THAP1: variants seen among roughly 807,000 people sequenced by gnomAD.
The protein encoded by THAP1 is THAP domain containing 1, also known as THAP domain-containing protein 1.
In THAP1, 6 loss-of-function variants were observed where a neutral mutation model predicts 18.2. The observed-to-expected ratio is 0.33, with a 90% CI of 0.18 to 0.65. The LOEUF (loss-of-function observed/expected upper bound fraction) is 0.65. Among genes scored for constraint, THAP1 ranks in the 30% least tolerant of loss-of-function variants. The pLI, the probability that THAP1 is intolerant of heterozygous loss-of-function variation, is 0.74. For missense variants in THAP1, 176 were observed against 253.0 expected (o/e 0.70, Z 2.06); for synonymous variants, 85 against 90.5 (o/e 0.94, Z 0.34).
chr8:42,842,469 C>G (rs931103874), intron 1 of THAP1: 5 of 152,022 alleles, frequency 3.3e-5, no homozygotes, highest in Non-Finnish European at 5.9e-5. Context: ...GAAAAGATAA[C>G]GATTTATCTC....
intron 1 of THAP1, 50 bp from the exon 2 acceptor site, chr8:42,839,431 A>G (rs1397027741): frequency 6.3e-7 from 1 of 1,594,924 alleles, no homozygotes. Flanking sequence ...TTAAATAAAT[A>G]AAGGCACCCA....
intron 1 of THAP1, among the ~76,000 whole-genome samples, chr8:42,840,965 C>CAAAAAA (rs1029278824): frequency 2.6e-4 from 12 of 47,006 alleles, no homozygotes; most frequent in East Asian, 6.9e-4. Context: ...GACTCCATCT[C>CAAAAAA]AAAAAAAAAA....
chr8:42,838,817 G>C (rs976770193), intron 2 of THAP1, among the ~76,000 whole-genome samples: 4 of 152,182 alleles, frequency 2.6e-5, no homozygotes, highest in African/African-American at 9.7e-5. Flanking sequence ...TTTTCTACCT[G>C]AAGTAGAGGG....
At chr8:42,842,912 A>T in intron 1 of THAP1, 112 bp downstream of exon 1, 2 of 697,764 alleles carry the variant, frequency 2.9e-6, no homozygotes, top group South Asian at 6.3e-5. Flanking sequence ...GGCCGGCCCC[A>T]GACCCCACCC....
chr8:42,843,265 A>G lies in THAP1; in HGVS notation c.-171T>C, dbSNP rs1802763506. 4.0e-6 allele frequency: 3 copies of G among 758,426 alleles called. No individual in the cohort carries two copies. Among genetic ancestry groups the G allele is most frequent in the South Asian group, 2.9e-5 (2 of 68,572 alleles). The allele number at this position is 758,426 out of a possible 1,614,324, so 47.0% of individuals were successfully genotyped here. A position where few individuals can be genotyped will look rare whatever the true frequency, so the allele number is the denominator to read the frequency against. ...CTAGTGTGCCCGTTTTGTTGTTTGCATTAGCAGAAGGACCACAGCCATCGC... is the reference window on the plus strand; with the variant it reads ...CTAGTGTGCCCGTTTTGTTGTTTGCGTTAGCAGAAGGACCACAGCCATCGC... On this transcript the variant is annotated 5_prime_UTR_variant, in exon 1 of 3. An upstream start codon of the reference 5' UTR is lost. Transcript: ENST00000254250.
Position 42,843,285 on chromosome 8 carries a change from C to T in THAP1, c.-191G>A. On this transcript the variant is annotated 5_prime_UTR_variant, in exon 1 of 3. The change abolishes an upstream ATG in the 5' untranslated region. Coordinates refer to ENST00000254250, the MANE Select transcript of THAP1 (RefSeq NM_018105.3). ...TTTGCATTAGCAGAAGGACCACAGC[C>T]ATCGCCCGTCTCCCATCTCCAAGAT... The T allele has an allele frequency of 4.5e-6, 3 of 666,074 alleles. No individual in the cohort carries two copies. The highest frequency in any genetic ancestry group is 8.1e-6 in the Non-Finnish European group (3 of 372,470). 41.3% of individuals were successfully genotyped at this position (666,074 alleles called of 1,614,324 possible).
intron 1 of THAP1, 52 bp downstream of exon 1, chr8:42,842,972 C>G: frequency 7.0e-7 from 1 of 1,435,174 alleles, no homozygotes; most frequent in Non-Finnish European, 9.2e-7. Flanking sequence ...CCGCCGGCCG[C>G]GCGCCCCCAC....
intron 1 of THAP1, among the ~76,000 whole-genome samples, chr8:42,840,965 CA>C (rs1029278824): frequency 0.016 from 765 of 47,080 alleles, 2 homozygotes; most frequent in African/African-American, 0.04. Context: ...GACTCCATCT[CA>C]AAAAAAAAAA....
intron 1 of THAP1, among the ~76,000 whole-genome samples, chr8:42,840,490 G>A (rs1463034517): frequency 1.3e-5 from 2 of 152,144 alleles, no homozygotes; most frequent in East Asian, 1.9e-4. Flanking sequence ...GTAAACTGGG[G>A]GGATTAGAAA....
Position 42,843,275 on chromosome 8 carries a change from G to A in THAP1, c.-181C>T. The A allele has an allele frequency of 1.4e-6, 1 of 705,144 alleles. No individual in the cohort carries two copies. The highest frequency in any genetic ancestry group is 1.8e-5 in the African/African-American group (1 of 56,890). 43.7% of individuals were successfully genotyped at this position (705,144 alleles called of 1,614,324 possible). On this transcript the variant is annotated 5_prime_UTR_variant, in exon 1 of 3. Transcript: ENST00000254250. ...CGTTTTGTTGTTTGCATTAGCAGAA[G>A]GACCACAGCCATCGCCCGTCTCCCA...
Position 42,843,245 on chromosome 8 carries a change from G to T in THAP1, c.-151C>A. 1.1e-6 allele frequency: 1 copy of T among 887,596 alleles called. No individual in the cohort carries two copies. The highest frequency in any genetic ancestry group is 1.8e-6 in the Non-Finnish European group (1 of 546,374). 55.0% of individuals were successfully genotyped at this position (887,596 alleles called of 1,614,324 possible). On this transcript the variant is annotated 5_prime_UTR_variant, in exon 1 of 3. Coordinates refer to ENST00000254250, the MANE Select transcript of THAP1 (RefSeq NM_018105.3). The stretch of plus-strand genomic sequence containing the variant: ...GTGGCCTCCCTCGGGGGTGACTAGT[G>T]TGCCCGTTTTGTTGTTTGCATTAGC...
chr8:42,840,015 G>A (rs969861874), intron 1 of THAP1, among the ~76,000 whole-genome samples: 4 of 152,038 alleles, frequency 2.6e-5, no homozygotes, highest in East Asian at 1.9e-4. Flanking sequence ...TGGGCAACAC[G>A]GCAAAACCCT....
intron 1 of THAP1, among the ~76,000 whole-genome samples, chr8:42,840,333 T>C (rs142852933): frequency 6.2e-4 from 95 of 152,324 alleles, no homozygotes; most frequent in African/African-American, 2.1e-3. Flanking sequence ...CTGACAAATA[T>C]GAATAGGCTA....
intron 1 of THAP1, 54 bp from the exon 2 acceptor site, chr8:42,839,435 G>T: frequency 6.3e-7 from 1 of 1,583,930 alleles, no homozygotes; most frequent in Non-Finnish European, 8.6e-7. Flanking sequence ...ATAAATAAAG[G>T]CACCCAAACT....
chr8:42,843,245 G>A lies in THAP1; in HGVS notation c.-151C>T. On this transcript the variant is annotated 5_prime_UTR_variant, in exon 1 of 3. Coordinates refer to ENST00000254250, the MANE Select transcript of THAP1 (RefSeq NM_018105.3). ...GTGGCCTCCCTCGGGGGTGACTAGT[G>A]TGCCCGTTTTGTTGTTTGCATTAGC... 1.1e-6 allele frequency: 1 copy of A among 887,598 alleles called. No homozygotes were observed. The highest frequency in any genetic ancestry group is 1.8e-6 in the Non-Finnish European group (1 of 546,376). 55.0% of individuals were successfully genotyped at this position (887,598 alleles called of 1,614,324 possible).
intron 2 of THAP1, among the ~76,000 whole-genome samples, chr8:42,838,619 G>A (rs1023138260): frequency 4.6e-5 from 7 of 152,148 alleles, no homozygotes; most frequent in Admixed American, 1.3e-4. Flanking sequence ...ACTGGGAGGC[G>A]GAGGTTGCAG....
chr8:42,839,555 T>A lies in THAP1; in HGVS notation c.72-174A>T, dbSNP rs868022948. 3.9e-4 allele frequency among the ~76,000 whole-genome samples: 59 copies of A among 152,298 alleles called. 1 individual carries two copies. Among genetic ancestry groups the A allele is most frequent in the African/African-American group, 8.7e-4 (36 of 41,552 alleles). On this transcript the variant is annotated intron_variant, in intron 1 of 2. Transcript: ENST00000254250. ...CTATTTATCTCATTTATTAATTTTT[T>A]AAAAATTTTTTTGAGATGCCGTCTT...
intron 2 of THAP1, among the ~76,000 whole-genome samples, chr8:42,838,559 C>T (rs1396114931): frequency 3.3e-5 from 5 of 152,056 alleles, no homozygotes; most frequent in African/African-American, 9.6e-5. Context: ...TGGTGGTGCA[C>T]GCCTATAATC....
Position 42,837,237 on chromosome 8 carries a change from T to C in THAP1, c.*725A>G, listed in dbSNP as rs1312158316. ...TACTTCATTGATGACAATGCCTTAC[T>C]TTATTTATTGAAAAATGTTTCTTCC... On this transcript the variant is annotated 3_prime_UTR_variant, in exon 3 of 3. Coordinates refer to ENST00000254250, the MANE Select transcript of THAP1 (RefSeq NM_018105.3). 4.6e-5 allele frequency: 7 copies of C among 152,218 alleles called. No homozygotes were observed. Among genetic ancestry groups the C allele is most frequent in the Admixed American group, 4.6e-4 (7 of 15,284 alleles). 9.4% of individuals were successfully genotyped at this position (152,218 alleles called of 1,614,324 possible).
Sources: allele counts gnomAD v4.1 joint callset (sites outside exome capture counted in the v4.1 genomes callset), GRCh38; gene constraint gnomAD v4.1.1; transcripts MANE v1.5; gene names NCBI Gene and HGNC (gene_info 2026-07-23, HGNC 2026-07-21).